Variants in HECW1 observed in about 807,000 individuals in gnomAD.
HECW1 encodes HECT, C2 and WW domain containing E3 ubiquitin protein ligase 1.
Under a neutral mutation model 182.3 loss-of-function variants are expected in HECW1, and 61 were observed. That is an observed-to-expected ratio of 0.33 (90% CI 0.27 to 0.41). The LOEUF is 0.41. Among genes scored for constraint, HECW1 ranks in the 10% least tolerant of loss-of-function variants. The pLI, the probability that HECW1 is intolerant of heterozygous loss-of-function variation, is 1.00. For synonymous variants in HECW1, 859 were observed against 832.6 expected, an observed-to-expected ratio of 1.03 and a Z score of -0.55; for missense variants, 1,739 against 2,108.9, an observed-to-expected ratio of 0.82 and a Z score of 3.44.
chr7:43,529,751 C>A (rs1158147384), intron 24 of HECW1, among the ~76,000 whole-genome samples: 1 of 152,130 alleles, frequency 6.6e-6, no homozygotes, highest in East Asian at 1.9e-4. Flanking sequence ...CATCTCCATG[C>A]CTCTCCAGCA....
At chr7:43,266,403 T>C (rs924932975) in intron 3 of HECW1, among the ~76,000 whole-genome samples, 48 of 152,244 alleles carry the variant, frequency 3.2e-4, no homozygotes, top group African/African-American at 1.1e-3. Context: ...TGGTGCGATC[T>C]TGGCTCACTG....
intron 28 of HECW1, among the ~76,000 whole-genome samples, chr7:43,553,241 A>C (rs2081901486): frequency 6.6e-6 from 1 of 151,954 alleles, no homozygotes; most frequent in Admixed American, 6.6e-5. Context: ...TAGCCTCACA[A>C]CTCTTCATTT....
chr7:43,406,516 G>T (rs1175278470), intron 7 of HECW1, among the ~76,000 whole-genome samples: 1 of 152,124 alleles, frequency 6.6e-6, no homozygotes, highest in Non-Finnish European at 1.5e-5. Context: ...CTTAAACCAT[G>T]ACTGGGAATC....
chr7:43,357,380 T>C (rs947759832), intron 5 of HECW1, among the ~76,000 whole-genome samples: 1 of 152,076 alleles, frequency 6.6e-6, no homozygotes, highest in Non-Finnish European at 1.5e-5. Flanking sequence ...TAGTATTCAG[T>C]CACAAAAAAG....
At chr7:43,528,296 A>G (rs2080841896) in intron 24 of HECW1, among the ~76,000 whole-genome samples, 1 of 152,194 alleles carries the variant, frequency 6.6e-6, no homozygotes, top group East Asian at 1.9e-4. Flanking sequence ...GAGTGGTAAC[A>G]TACCTGGACA....
At chr7:43,294,772 G>A (rs1291885775) in intron 3 of HECW1, among the ~76,000 whole-genome samples, 1 of 152,188 alleles carries the variant, frequency 6.6e-6, no homozygotes, top group Non-Finnish European at 1.5e-5. Flanking sequence ...GAAAGTATCT[G>A]AGACGGGTCT....
intron 24 of HECW1, among the ~76,000 whole-genome samples, chr7:43,513,185 A>C (rs2079963698): frequency 6.6e-6 from 1 of 152,220 alleles, no homozygotes. Flanking sequence ...GCCATGTGCA[A>C]TTAATTGCTC....
chr7:43,327,961 A>ATATTATTAT (rs4049927), intron 5 of HECW1, among the ~76,000 whole-genome samples: 3,038 of 146,188 alleles, frequency 0.021, 98 homozygotes, highest in African/African-American at 0.068. Flanking sequence ...TGAACCATTT[A>ATATTATTAT]TATTATTATT....
rs142481201 is a variant in HECW1 at position 43,493,224 on chromosome 7, C to A, written c.3437+44C>A. ...TCCCTGGAACTCTAGGTCTTTCCAG[C>A]CATTTTTCCCGGTGGGAAAACACCT... On this transcript the variant is annotated intron_variant, in intron 19 of 29. Coordinates refer to ENST00000395891, the MANE Select transcript of HECW1 (RefSeq NM_015052.5). 3,506 of 1,331,782 alleles carry A rather than the reference C, an allele frequency of 2.6e-3. 13 individuals are homozygous for A. The highest frequency in any genetic ancestry group is 0.017 in the Middle Eastern group (92 of 5,466). 82.5% of individuals were successfully genotyped at this position (1,331,782 alleles called of 1,614,324 possible). A position where few individuals can be genotyped will look rare whatever the true frequency, so the allele number is the denominator to read the frequency against.
intron 8 of HECW1, among the ~76,000 whole-genome samples, chr7:43,419,193 C>T (rs2076105945): frequency 6.6e-6 from 1 of 151,912 alleles, no homozygotes; most frequent in African/African-American, 2.4e-5. Flanking sequence ...TTCATCCAGC[C>T]AAAAAGATAG....
intron 2 of HECW1, among the ~76,000 whole-genome samples, chr7:43,222,295 T>A (rs1797050832): frequency 6.6e-6 from 1 of 152,228 alleles, no homozygotes; most frequent in Non-Finnish European, 1.5e-5. Context: ...CGAATACTCA[T>A]GAACCAAGTC....
At chr7:43,487,734 A>T (rs750239709) in intron 17 of HECW1, among the ~76,000 whole-genome samples, 7 of 151,680 alleles carry the variant, frequency 4.6e-5, no homozygotes, top group Non-Finnish European at 1.0e-4. Context: ...GGGCAGGAGG[A>T]TCTCTTGAAG....
At chr7:43,362,583 G>C (rs1038715322) in intron 6 of HECW1, among the ~76,000 whole-genome samples, 2 of 152,240 alleles carry the variant, frequency 1.3e-5, no homozygotes, top group African/African-American at 4.8e-5. Flanking sequence ...TCCCTCAAAA[G>C]AGGGTACCCC....
At chr7:43,119,838 C>G (rs1368321396) in intron 2 of HECW1, among the ~76,000 whole-genome samples, 3 of 152,182 alleles carry the variant, frequency 2.0e-5, no homozygotes, top group Non-Finnish European at 2.9e-5. Context: ...TGTCCCTTCT[C>G]TCTCCCTCTC....
intron 2 of HECW1, among the ~76,000 whole-genome samples, chr7:43,126,951 G>A (rs566726410): frequency 3.9e-5 from 6 of 152,042 alleles, no homozygotes; most frequent in East Asian, 1.9e-4. Context: ...TCCTTGCCTC[G>A]GGCCACCCTA....
At chr7:43,472,350 T>C (rs1585014501) in intron 16 of HECW1, among the ~76,000 whole-genome samples, 1 of 152,366 alleles carries the variant, frequency 6.6e-6, no homozygotes, top group Non-Finnish European at 1.5e-5. Context: ...TGCTCCCCCA[T>C]GTCACTTACA....
intron 17 of HECW1, among the ~76,000 whole-genome samples, chr7:43,486,327 C>G (rs2078636754): frequency 6.6e-6 from 1 of 151,340 alleles, no homozygotes; most frequent in African/African-American, 2.4e-5. Context: ...CACCCTGTCT[C>G]CCAGGCTGGA....
intron 6 of HECW1, among the ~76,000 whole-genome samples, chr7:43,372,512 TC>T (rs1290191474): frequency 6.6e-6 from 1 of 152,056 alleles, no homozygotes; most frequent in African/African-American, 2.4e-5. Context: ...ATGCTATCCC[TC>T]CCCGCTCCCC....
At chr7:43,346,911 G>C (rs1813761649) in intron 5 of HECW1, among the ~76,000 whole-genome samples, 1 of 152,200 alleles carries the variant, frequency 6.6e-6, no homozygotes, top group African/African-American at 2.4e-5. Flanking sequence ...AGTATAGCTT[G>C]AAATCAGGTA....
Sources: allele counts gnomAD v4.1 joint callset (sites outside exome capture counted in the v4.1 genomes callset), GRCh38; gene constraint gnomAD v4.1.1; transcripts MANE v1.5; gene names NCBI Gene and HGNC (gene_info 2026-07-23, HGNC 2026-07-21).